The following MAMLD1 variants were observed in gnomAD, a reference collection of about 807,000 sequenced individuals.
MAMLD1 encodes mastermind like domain containing 1.
Under a neutral mutation model 45.0 loss-of-function variants are expected in MAMLD1, and 14 were observed. The ratio of observed to expected loss-of-function variants is 0.31; its 90% CI spans 0.21 to 0.49. The LOEUF is 0.49. MAMLD1 is among the 20% of genes least tolerant of loss of function. The probability of loss-of-function intolerance (pLI) is 0.99; values close to 1 mark genes in which losing one functional copy is unlikely to be tolerated. For missense variants in MAMLD1, 543 were observed against 603.6 expected (o/e 0.90, Z 1.05); for synonymous variants, 254 against 247.8 (o/e 1.02, Z -0.24).
intron 1 of MAMLD1, among the ~76,000 whole-genome samples, chrX:150,390,218 A>T (rs148284629): frequency 0.032 from 3,525 of 111,419 alleles, 130 homozygotes; most frequent in African/African-American, 0.11. Flanking sequence ...GACATGCGCC[A>T]CCATGCCTGG....
At chrX:150,397,824 A>G (rs1372640064) in intron 1 of MAMLD1, among the ~76,000 whole-genome samples, 1 of 111,518 alleles carries the variant, frequency 9.0e-6, no homozygotes, top group Non-Finnish European at 1.9e-5. Flanking sequence ...CATGAAATCT[A>G]TGTGTTAGAT....
At chrX:150,404,723 C>T (rs1156913252) in intron 1 of MAMLD1, among the ~76,000 whole-genome samples, 1 of 111,739 alleles carries the variant, frequency 8.9e-6, no homozygotes, top group African/African-American at 3.3e-5. Flanking sequence ...AACCACTGAT[C>T]TGTAGTTTGC....
At chrX:150,363,821 G>A (rs1259383693) in intron 1 of MAMLD1, among the ~76,000 whole-genome samples, 1 of 112,515 alleles carries the variant, frequency 8.9e-6, no homozygotes, top group Non-Finnish European at 1.9e-5. Flanking sequence ...ACGTACCGGG[G>A]AGGAAAGGTA....
At chrX:150,394,716 GT>G (rs1381680731) in intron 1 of MAMLD1, among the ~76,000 whole-genome samples, 25 of 110,627 alleles carry the variant, frequency 2.3e-4, no homozygotes, top group South Asian at 3.8e-4. Context: ...CAGTAATATG[GT>G]TTTTTTTAAT....
chrX:150,464,199 C>T (rs1557405772), intron 3 of MAMLD1, among the ~76,000 whole-genome samples: 1 of 111,726 alleles, frequency 9.0e-6, no homozygotes, highest in Non-Finnish European at 1.9e-5. Flanking sequence ...ATTCCAGGGC[C>T]CCTTCCTCCA....
At chrX:150,402,788 T>C (rs1257146928) in intron 1 of MAMLD1, among the ~76,000 whole-genome samples, 18 of 111,231 alleles carry the variant, frequency 1.6e-4, no homozygotes, top group Non-Finnish European at 2.6e-4. Flanking sequence ...TGGATGAAAC[T>C]GGAAATCATC....
At chrX:150,370,765 C>G (rs1046991089) in intron 1 of MAMLD1, among the ~76,000 whole-genome samples, 2 of 111,703 alleles carry the variant, frequency 1.8e-5, no homozygotes, top group African/African-American at 6.5e-5. Context: ...CGAGTTTTCT[C>G]CTAAAATCTG....
At chrX:150,380,022 T>C (rs1557401576) in intron 1 of MAMLD1, among the ~76,000 whole-genome samples, 1 of 112,474 alleles carries the variant, frequency 8.9e-6, no homozygotes, top group African/African-American at 3.2e-5. Flanking sequence ...GTTAGAGGTA[T>C]ATCTTAAAGA....
At chrX:150,365,825 T>G (rs2031396319) in intron 1 of MAMLD1, among the ~76,000 whole-genome samples, 1 of 112,600 alleles carries the variant, frequency 8.9e-6, no homozygotes. Flanking sequence ...GACTGCGCGC[T>G]GGCCTGCTGC....
intron 1 of MAMLD1, among the ~76,000 whole-genome samples, chrX:150,382,978 C>T (rs1393930726): frequency 3.2e-5 from 1 of 31,362 alleles, no homozygotes; most frequent in Non-Finnish European, 5.5e-5. Flanking sequence ...GATCTCGGCT[C>T]ACTGCAAGCT....
intron 1 of MAMLD1, among the ~76,000 whole-genome samples, chrX:150,415,668 T>C (rs2034229977): frequency 1.8e-5 from 2 of 112,292 alleles, no homozygotes; most frequent in African/African-American, 6.5e-5. Flanking sequence ...CAACTATGCT[T>C]ACAGTCGAGG....
intron 1 of MAMLD1, among the ~76,000 whole-genome samples, chrX:150,405,629 G>C (rs1229971961): frequency 1.8e-5 from 2 of 111,949 alleles, no homozygotes; most frequent in Non-Finnish European, 1.9e-5. Context: ...AGAAAGAGAG[G>C]GTGGTTGTGA....
intron 6 of MAMLD1, among the ~76,000 whole-genome samples, chrX:150,509,146 C>T (rs2037828913): frequency 8.9e-6 from 1 of 111,889 alleles, no homozygotes; most frequent in Admixed American, 9.5e-5. Context: ...CAGATGGAGA[C>T]AGGAAGCTCC....
chrX:150,511,467 GA>G (rs1193617950), intron 7 of MAMLD1, among the ~76,000 whole-genome samples: 4 of 111,846 alleles, frequency 3.6e-5, no homozygotes, highest in Admixed American at 9.5e-5. Flanking sequence ...TCTAGGCTAT[GA>G]GACAAGAGGG....
chrX:150,485,201 C>A (rs1557407542), intron 5 of MAMLD1, among the ~76,000 whole-genome samples: 2 of 111,702 alleles, frequency 1.8e-5, no homozygotes, highest in Admixed American at 1.9e-4. Context: ...CAAGCCAACT[C>A]CAGCTCAGAA....
At chrX:150,505,049 TAG>T in intron 6 of MAMLD1, 3 of 753,760 alleles carry the variant, frequency 4.0e-6, no homozygotes, top group Non-Finnish European at 4.7e-6. Context: ...GGAGTCAGAA[TAG>T]AGTTTGCAGC....
chrX:150,375,008 G>A (rs1017061044), intron 1 of MAMLD1, among the ~76,000 whole-genome samples: 3 of 110,749 alleles, frequency 2.7e-5, no homozygotes, highest in African/African-American at 9.9e-5. Context: ...TTTTGGAGAG[G>A]AGCCTCAGGT....
intron 1 of MAMLD1, among the ~76,000 whole-genome samples, chrX:150,420,732 C>T (rs1191881509): frequency 2.1e-4 from 24 of 112,648 alleles, no homozygotes; most frequent in Non-Finnish European, 5.6e-5. Context: ...CTGGGGGTGC[C>T]TCCCAGTTAG....
chrX:150,362,649 T>C (rs1317660169), upstream of MAMLD1, among the ~76,000 whole-genome samples: 5 of 111,911 alleles, frequency 4.5e-5, no homozygotes, highest in East Asian at 1.4e-3. Flanking sequence ...TGCTCGCTCT[T>C]CGTGTGTCCC....
Sources: gnomAD v4.1 joint callset for allele counts (sites outside exome capture counted in the v4.1 genomes callset) on GRCh38, gnomAD v4.1.1 for gene constraint, MANE v1.5 for transcripts, NCBI Gene and HGNC (gene_info 2026-07-23, HGNC 2026-07-21) for gene names.